Variants in CNTNAP2 observed in about 807,000 individuals in gnomAD.
CNTNAP2 encodes contactin associated protein 2.
Under a neutral mutation model 155.2 loss-of-function variants are expected in CNTNAP2, and 98 were observed. The ratio of observed to expected loss-of-function variants is 0.63; its 90% CI spans 0.54 to 0.75. CNTNAP2 has a LOEUF of 0.75. Ranked by LOEUF, CNTNAP2 falls within the 30% of genes least tolerant of loss-of-function variation. The pLI is 0.00. For synonymous variants in CNTNAP2, 651 were observed against 631.2 expected (o/e 1.03, Z -0.47); for missense variants, 1,727 against 1,688.1 (o/e 1.02, Z -0.40).
chr7:147,345,368 T>G (rs1000540555), intron 9 of CNTNAP2, among the ~76,000 whole-genome samples: 7 of 152,222 alleles, frequency 4.6e-5, no homozygotes, highest in African/African-American at 1.7e-4. Flanking sequence ...CCCTTTGCTG[T>G]TAGTTGATTG....
intron 14 of CNTNAP2, among the ~76,000 whole-genome samples, chr7:147,947,454 C>CAAAA (rs10708483): frequency 2.1e-4 from 17 of 80,262 alleles, no homozygotes; most frequent in East Asian, 1.1e-3. Context: ...CCTGTCTCTA[C>CAAAA]AAAAAAAAAA....
At chr7:146,674,258 T>C (rs894709017) in intron 1 of CNTNAP2, among the ~76,000 whole-genome samples, 1 of 152,162 alleles carries the variant, frequency 6.6e-6, no homozygotes, top group African/African-American at 2.4e-5. Flanking sequence ...ATAACATACA[T>C]AGGAGTATGG....
chr7:147,138,504 G>T (rs1057004094), intron 8 of CNTNAP2, among the ~76,000 whole-genome samples: 19 of 151,890 alleles, frequency 1.3e-4, no homozygotes, highest in African/African-American at 4.3e-4. Context: ...TCACCCAACT[G>T]ACTTTTTATT....
intron 12 of CNTNAP2, among the ~76,000 whole-genome samples, chr7:147,579,460 A>C (rs986369706): frequency 2.0e-5 from 3 of 152,124 alleles, no homozygotes; most frequent in Admixed American, 6.6e-5. Context: ...ATCTGTTATA[A>C]TATGCCAGTG....
chr7:147,209,002 A>G (rs973957034), intron 8 of CNTNAP2, among the ~76,000 whole-genome samples: 5 of 151,954 alleles, frequency 3.3e-5, no homozygotes, highest in African/African-American at 1.2e-4. Flanking sequence ...TTAGATATAT[A>G]ATCTGTTTGT....
chr7:146,430,569 T>C (rs758032178), intron 1 of CNTNAP2, among the ~76,000 whole-genome samples: 8 of 152,026 alleles, frequency 5.3e-5, no homozygotes, highest in Non-Finnish European at 1.0e-4. Context: ...TGTTATATAA[T>C]GTACTCAGGA....
chr7:147,922,137 G>A (rs978172943), intron 14 of CNTNAP2, among the ~76,000 whole-genome samples: 1 of 152,116 alleles, frequency 6.6e-6, no homozygotes, highest in Non-Finnish European at 1.5e-5. Context: ...TTTTAAATAC[G>A]CATGTCGATG....
chr7:147,282,422 T>A (rs1365458548), intron 8 of CNTNAP2, among the ~76,000 whole-genome samples: 1 of 151,924 alleles, frequency 6.6e-6, no homozygotes, highest in Non-Finnish European at 1.5e-5. Flanking sequence ...CTCAAATATG[T>A]GAGAGCAGAG....
At chr7:147,034,690 A>T (rs1213079020) in intron 3 of CNTNAP2, among the ~76,000 whole-genome samples, 3 of 152,018 alleles carry the variant, frequency 2.0e-5, no homozygotes, top group African/African-American at 7.2e-5. Context: ...AGCGAGGTGG[A>T]TGGGGAGGTC....
intron 1 of CNTNAP2, among the ~76,000 whole-genome samples, chr7:146,604,004 T>C (rs1243402424): frequency 6.6e-4 from 79 of 118,960 alleles, no homozygotes; most frequent in African/African-American, 2.6e-3. Flanking sequence ...ATTCAGGACA[T>C]AGGCATGGGC....
At chr7:146,778,099 C>T (rs1448931508) in intron 2 of CNTNAP2, among the ~76,000 whole-genome samples, 6 of 152,000 alleles carry the variant, frequency 3.9e-5, no homozygotes, top group Non-Finnish European at 8.8e-5. Flanking sequence ...CATATACTAA[C>T]AGAAAAATAT....
Position 147,332,816 on chromosome 7 carries a change from C to T in CNTNAP2, c.1498+32526C>T, listed in dbSNP as rs952957401. ...GGCAGAAGCTGTAGTGAGCCGAAAT[C>T]ATGCCACTGCGCTCCATCCTGGATG... On this transcript the variant is annotated intron_variant, in intron 9 of 23. Coordinates refer to ENST00000361727, the MANE Select transcript of CNTNAP2 (RefSeq NM_014141.6). 3.3e-5 allele frequency among the ~76,000 whole-genome samples: 5 copies of T among 152,136 alleles called. No homozygotes were observed. The East Asian group carries it at 7.7e-4, about 23-fold the overall frequency.
intron 22 of CNTNAP2, among the ~76,000 whole-genome samples, chr7:148,401,908 T>C (rs1799591725): frequency 6.6e-6 from 1 of 152,212 alleles, no homozygotes; most frequent in African/African-American, 2.4e-5. Flanking sequence ...TAATGAGCTA[T>C]TTTCAATTAA....
At chr7:146,610,040 C>CT (rs894282917) in intron 1 of CNTNAP2, among the ~76,000 whole-genome samples, 7 of 152,164 alleles carry the variant, frequency 4.6e-5, no homozygotes, top group Non-Finnish European at 8.8e-5. Context: ...ACACTAAAGG[C>CT]TGAAACTCGG....
intron 3 of CNTNAP2, among the ~76,000 whole-genome samples, chr7:146,899,361 C>T (rs1038569483): frequency 1.3e-5 from 2 of 152,112 alleles, no homozygotes; most frequent in African/African-American, 2.4e-5. Context: ...ATACTCAAAT[C>T]GCATTCATTC....
At chr7:146,240,135 G>A (rs1368096228) in intron 1 of CNTNAP2, among the ~76,000 whole-genome samples, 2 of 151,898 alleles carry the variant, frequency 1.3e-5, no homozygotes, top group African/African-American at 2.4e-5. Flanking sequence ...ATTAACTATT[G>A]GGTTTCACAT....
intron 12 of CNTNAP2, among the ~76,000 whole-genome samples, chr7:147,624,564 T>C (rs542219420): frequency 3.1e-4 from 47 of 152,266 alleles, no homozygotes; most frequent in African/African-American, 1.1e-3. Context: ...TGAAATATCA[T>C]CTCACCACAG....
intron 10 of CNTNAP2, among the ~76,000 whole-genome samples, chr7:147,425,716 G>C (rs934579034): frequency 6.6e-6 from 1 of 152,008 alleles, no homozygotes; most frequent in Admixed American, 6.6e-5. Context: ...CCCAAGGAAG[G>C]GTAAATGGAA....
Position 147,522,600 on chromosome 7 carries a change from T to A in CNTNAP2, c.1777+36559T>A, listed in dbSNP as rs1016022982. ...AAAATGGTAGAAACAAATGGCTTGGTGGGATAAGGAGCAGTAAACATTTTT... is the reference window on the plus strand; with the variant it reads ...AAAATGGTAGAAACAAATGGCTTGGAGGGATAAGGAGCAGTAAACATTTTT... On this transcript the variant is annotated intron_variant, in intron 11 of 23. Coordinates refer to ENST00000361727, the MANE Select transcript of CNTNAP2 (RefSeq NM_014141.6). Among the ~76,000 whole-genome samples the A allele has an allele frequency of 5.9e-5, 9 of 152,072 alleles. No homozygotes were observed. In the South Asian group the frequency reaches 1.9e-3, roughly 32 times the overall value.
Sources: allele counts gnomAD v4.1 joint callset (sites outside exome capture counted in the v4.1 genomes callset), GRCh38; gene constraint gnomAD v4.1.1; transcripts MANE v1.5; gene names NCBI Gene and HGNC (gene_info 2026-07-23, HGNC 2026-07-21).